Variants in FZD3 observed in about 807,000 individuals in gnomAD.
FZD3 encodes the protein frizzled class receptor 3.
In FZD3, 30 loss-of-function variants were observed where a neutral mutation model predicts 60.7. That is an observed-to-expected ratio of 0.49 (90% CI 0.37 to 0.67). The LOEUF (loss-of-function observed/expected upper bound fraction) is 0.67. Among genes scored for constraint, FZD3 ranks in the 30% least tolerant of loss-of-function variants. The probability of loss-of-function intolerance (pLI) is 0.00; values close to 1 mark genes in which losing one functional copy is unlikely to be tolerated. For synonymous variants in FZD3, 246 were observed against 275.2 expected (o/e 0.89, Z 1.05); for missense variants, 605 against 838.7 (o/e 0.72, Z 3.44).
At chr8:28,531,214 AG>A (rs1804866715) in intron 5 of FZD3, among the ~76,000 whole-genome samples, 4 of 34,300 alleles carry the variant, frequency 1.2e-4, no homozygotes, top group African/African-American at 2.9e-4. Context: ...ACTGTCGCTG[AG>A]TGTTTATCCA....
chr8:28,521,767 A>G (rs568501662), intron 4 of FZD3, among the ~76,000 whole-genome samples: 1 of 152,322 alleles, frequency 6.6e-6, no homozygotes, highest in East Asian at 1.9e-4. Flanking sequence ...GGTCTAGTAC[A>G]TTCCTTTTAA....
rs764824535 is a variant in FZD3, at chr8:28,551,724, G to C, written c.1526G>C (p.Ser509Thr). The C allele has an allele frequency of 6.2e-7, 1 of 1,609,982 alleles. No individual in the cohort carries two copies. The highest frequency in any genetic ancestry group is 8.5e-7 in the Non-Finnish European group (1 of 1,178,960). Residue 509 changes from serine (S) to threonine (T), a missense_variant, in exon 6 of 8, where the codon AGT (serine) becomes ACT (threonine). Ser to Thr is a moderately conservative substitution (Grantham distance 58, BLOSUM62 1). Coordinates refer to ENST00000240093, the MANE Select transcript of FZD3 (RefSeq NM_017412.4). ...GSKKTCFEWASFFHGRRKKEI... is the reference protein window; with the variant it reads ...GSKKTCFEWATFFHGRRKKEI... ...AAAAAGACATGCTTTGAATGGGCCAGTTTTTTTCATGGTCGTAGGAAAAAA... is the reference window on the plus strand; with the variant it reads ...AAAAAGACATGCTTTGAATGGGCCACTTTTTTTCATGGTCGTAGGAAAAAA...
intron 7 of FZD3, among the ~76,000 whole-genome samples, chr8:28,560,771 G>A (rs1463275221): frequency 6.6e-6 from 1 of 152,106 alleles, no homozygotes; most frequent in East Asian, 1.9e-4. Context: ...TTGGAAACTT[G>A]GAATAATCTT....
intron 4 of FZD3, among the ~76,000 whole-genome samples, chr8:28,526,334 C>A (rs919977590): frequency 2.8e-4 from 42 of 152,270 alleles, no homozygotes; most frequent in African/African-American, 9.6e-4. Context: ...TATTTGCTTA[C>A]TAGAATGCTG....
chr8:28,562,397 T>C (rs1805629261), intron 7 of FZD3, among the ~76,000 whole-genome samples: 1 of 152,174 alleles, frequency 6.6e-6, no homozygotes, highest in Non-Finnish European at 1.5e-5. Context: ...TGTACCCCTC[T>C]ACTGATTATA....
chr8:28,510,063 T>A (rs1563383639), intron 3 of FZD3, among the ~76,000 whole-genome samples: 1 of 152,224 alleles, frequency 6.6e-6, no homozygotes, highest in Non-Finnish European at 1.5e-5. Context: ...TACACAAGAT[T>A]CCAATTTCTC....
intron 3 of FZD3, among the ~76,000 whole-genome samples, chr8:28,509,763 G>C (rs1804235780): frequency 6.6e-6 from 1 of 152,030 alleles, no homozygotes; most frequent in Admixed American, 6.6e-5. Flanking sequence ...ATCATGTGTT[G>C]GAATTTTCTT....
In FZD3 at chr8:28,527,548, C is replaced by T. The variant is rs780669647; in HGVS notation, c.788C>T (p.Ala263Val). Residue 263 changes from alanine (A) to valine (V), a missense_variant, in exon 5 of 8, where the codon GCC becomes GTC. By Grantham distance (64) the Ala-to-Val change is moderately conservative. Coordinates refer to ENST00000240093, the MANE Select transcript of FZD3 (RefSeq NM_017412.4). The surrounding 1 kb of genome is among the most constrained non-coding windows in gnomAD (Gnocchi z 5.0). ...FIGFLLEDRV[A>V]CNASIPAQYK... ...GGATTTTTGCTTGAAGATCGAGTAG[C>T]CTGCAATGCATCCATCCCTGCACAA... The T allele has an allele frequency of 2.5e-6, 4 of 1,613,954 alleles. No homozygotes were observed. The highest frequency in any genetic ancestry group is 3.4e-6 in the Non-Finnish European group (4 of 1,179,904).
chr8:28,504,522 G>A (rs1196970527), intron 3 of FZD3, among the ~76,000 whole-genome samples: 1 of 152,194 alleles, frequency 6.6e-6, no homozygotes, highest in Non-Finnish European at 1.5e-5. Context: ...TCATAAAGAT[G>A]TTTGTCCTGA....
At position 28,570,295 on chromosome 8, in the gene FZD3, C is replaced by G. The variant is rs1007107597; in HGVS notation, c.*7284C>G. On this transcript the variant is annotated 3_prime_UTR_variant, in exon 8 of 8. Transcript: ENST00000240093. Reference sequence around the variant, plus strand: ...TCACCTGAGGTCAGGAGTTCGAGACCAGCCTGATGAACATGGCAAATCCCC... The same window carrying G: ...TCACCTGAGGTCAGGAGTTCGAGACGAGCCTGATGAACATGGCAAATCCCC... The G allele has an allele frequency of 6.6e-6, 1 of 151,746 alleles. No individual in the cohort carries two copies. Among genetic ancestry groups the G allele is most frequent in the African/African-American group, 2.4e-5 (1 of 41,168 alleles). 9.4% of individuals were successfully genotyped at this position (151,746 alleles called of 1,614,324 possible).
At position 28,574,222 on chromosome 8, in the gene FZD3, A is replaced by C. The variant is rs1461575942; in HGVS notation, c.*11211A>C. The C allele has an allele frequency of 6.6e-6, 1 of 152,192 alleles. No homozygotes were observed. The highest frequency in any genetic ancestry group is 2.4e-5 in the African/African-American group (1 of 41,458). The allele number at this position is 152,192 out of a possible 1,614,324, so 9.4% of individuals were successfully genotyped here. ...AATGTAGTGGTTGTATATTTTGGTT[A>C]TAAATTGGAGATTTTTAATAAAATT... On this transcript the variant is annotated 3_prime_UTR_variant, in exon 8 of 8. Coordinates refer to ENST00000240093, the MANE Select transcript of FZD3 (RefSeq NM_017412.4).
rs1178762545 is a variant in FZD3 at position 28,573,275 on chromosome 8, T to G, written c.*10264T>G. On this transcript the variant is annotated 3_prime_UTR_variant, in exon 8 of 8. Transcript: ENST00000240093. ...AAAGTGTTAGTGACTATAGCCCTTT[T>G]ATCTCTCTTAAAGAGAAATCTGCAT... 6 of 152,182 alleles carry G rather than the reference T, an allele frequency of 3.9e-5. No homozygotes were observed. Among genetic ancestry groups the G allele is most frequent in the African/African-American group, 1.4e-4 (6 of 41,448 alleles). The allele number at this position is 152,182 out of a possible 1,614,324, so 9.4% of individuals were successfully genotyped here.
intron 5 of FZD3, among the ~76,000 whole-genome samples, chr8:28,530,997 A>G (rs1466004589): frequency 6.6e-6 from 1 of 152,188 alleles, no homozygotes; most frequent in East Asian, 1.9e-4. Flanking sequence ...GAAAATAAAT[A>G]TCCATGTACT....
At chr8:28,561,072 T>A (rs989984209) in intron 7 of FZD3, among the ~76,000 whole-genome samples, 2 of 152,226 alleles carry the variant, frequency 1.3e-5, no homozygotes, top group Admixed American at 6.5e-5. Context: ...TTTTTGTTTT[T>A]TGAGACAGAG....
At chr8:28,524,360 T>C (rs1243905589) in intron 4 of FZD3, among the ~76,000 whole-genome samples, 1 of 152,236 alleles carries the variant, frequency 6.6e-6, no homozygotes, top group Non-Finnish European at 1.5e-5. Flanking sequence ...GATTATGCTA[T>C]GTATTTAATG....
chr8:28,561,625 A>G lies in FZD3; in HGVS notation c.1788-1173A>G, dbSNP rs147621473. ...AAAAAAAAAAAACCTAGCCTGCTAT[A>G]TTTTATTTTTAGAAACATTACTTAA... On this transcript the variant is annotated intron_variant, in intron 7 of 7. Transcript: ENST00000240093. Among the ~76,000 whole-genome samples the G allele has an allele frequency of 2.0e-3, 304 of 151,568 alleles. 1 individual carries two copies. Among genetic ancestry groups the G allele is most frequent in the African/African-American group, 7.0e-3 (290 of 41,402 alleles).
At chr8:28,557,277 A>C (rs1247422931) in intron 7 of FZD3, among the ~76,000 whole-genome samples, 1 of 151,868 alleles carries the variant, frequency 6.6e-6, no homozygotes, top group African/African-American at 2.4e-5. Flanking sequence ...CAGCTGGAGA[A>C]AAGGAATGTG....
chr8:28,513,745 A>G (rs1470456529), intron 3 of FZD3, among the ~76,000 whole-genome samples: 3 of 152,178 alleles, frequency 2.0e-5, no homozygotes, highest in African/African-American at 4.8e-5. Flanking sequence ...ATTTGGTTTT[A>G]TGTTTAATGA....
intron 4 of FZD3, among the ~76,000 whole-genome samples, chr8:28,525,859 C>T (rs373270316): frequency 2.0e-5 from 3 of 152,074 alleles, no homozygotes; most frequent in East Asian, 1.9e-4. Context: ...GAGAAGAGTT[C>T]GGTTTCTTGA....
Sources: allele counts gnomAD v4.1 joint callset (sites outside exome capture counted in the v4.1 genomes callset), GRCh38; gene constraint gnomAD v4.1.1; non-coding constraint Gnocchi (gnomAD v3.1); transcripts MANE v1.5; gene names NCBI Gene and HGNC (gene_info 2026-07-23, HGNC 2026-07-21).